CPNE8: variants seen among roughly 807,000 people sequenced by gnomAD.
CPNE8 encodes the protein copine 8.
A neutral mutation model predicts 81.5 loss-of-function variants in CPNE8; 45 were observed. The observed-to-expected ratio is 0.55, with a 90% confidence interval of 0.44 to 0.71. CPNE8 has a LOEUF of 0.71. CPNE8 is among the 30% of genes least tolerant of loss of function. The pLI, the probability that CPNE8 is intolerant of heterozygous loss-of-function variation, is 0.00. For synonymous variants in CPNE8, 252 were observed against 226.3 expected (o/e 1.11, Z -1.02); for missense variants, 594 against 672.1 (o/e 0.88, Z 1.28).
At chr12:38,779,566 C>T (rs942276334) in intron 6 of CPNE8, among the ~76,000 whole-genome samples, 3 of 152,116 alleles carry the variant, frequency 2.0e-5, no homozygotes, top group Non-Finnish European at 4.4e-5. Context: ...TCTTAATTGA[C>T]ATCACTTGAG....
chr12:38,676,084 C>T (rs1352733938), intron 17 of CPNE8: 2 of 236,180 alleles, frequency 8.5e-6, no homozygotes, highest in Admixed American at 1.4e-4. Context: ...CCACTGCACT[C>T]CAGCCTGGGC....
chr12:38,655,100 A>C (rs899347474), intron 19 of CPNE8, among the ~76,000 whole-genome samples: 1 of 152,168 alleles, frequency 6.6e-6, no homozygotes, highest in African/African-American at 2.4e-5. Context: ...CATTCTAACA[A>C]CATATATTAG....
Position 38,794,017 on chromosome 12 carries a change from A to G in CPNE8, c.408-17716T>C, listed in dbSNP as rs148122234. On this transcript the variant is annotated intron_variant, in intron 6 of 19. Transcript: ENST00000331366. ...GTGGTGGGAAAACTATCCACATGCA[A>G]ATGAATGTTTTGGATGCTTATCTTA... 5.3e-4 allele frequency among the ~76,000 whole-genome samples: 80 copies of G among 152,252 alleles called. 1 individual carries two copies. The East Asian group carries it at 0.014, about 27-fold the overall frequency.
intron 10 of CPNE8, among the ~76,000 whole-genome samples, chr12:38,739,190 GT>G (rs1159114688): frequency 6.6e-6 from 1 of 152,064 alleles, no homozygotes; most frequent in Non-Finnish European, 1.5e-5. Flanking sequence ...GTCTTATATG[GT>G]TTTTGAAGAG....
intron 6 of CPNE8, among the ~76,000 whole-genome samples, chr12:38,808,138 C>G (rs1018597135): frequency 6.6e-6 from 1 of 152,032 alleles, no homozygotes; most frequent in African/African-American, 2.4e-5. Context: ...AATAGGAACA[C>G]TTTTACACTG....
At chr12:38,754,406 G>A (rs1216003357) in intron 10 of CPNE8, among the ~76,000 whole-genome samples, 1 of 151,644 alleles carries the variant, frequency 6.6e-6, no homozygotes, top group Non-Finnish European at 1.5e-5. Context: ...AACCATTCAA[G>A]GTAGGCAGGT....
chr12:38,729,749 C>G (rs1168018921), intron 11 of CPNE8, among the ~76,000 whole-genome samples: 2 of 152,046 alleles, frequency 1.3e-5, no homozygotes, highest in East Asian at 3.9e-4. Context: ...ACTATATGCT[C>G]AATACATATT....
chr12:38,731,921 C>A (rs1208649188), intron 10 of CPNE8, among the ~76,000 whole-genome samples: 1 of 151,124 alleles, frequency 6.6e-6, no homozygotes, highest in Non-Finnish European at 1.5e-5. Context: ...TTAAAATTTT[C>A]TGAATTATGA....
At chr12:38,719,912 A>T (rs1161687743) in intron 13 of CPNE8, among the ~76,000 whole-genome samples, 1 of 152,226 alleles carries the variant, frequency 6.6e-6, no homozygotes, top group Non-Finnish European at 1.5e-5. Flanking sequence ...TTTTATAGAA[A>T]TTATCTTAGG....
Position 38,760,858 on chromosome 12 carries a change from G to T in CPNE8, c.711C>A (p.Asp237Glu). 6.3e-7 allele frequency: 1 copy of T among 1,589,054 alleles called. No homozygotes were observed. Among genetic ancestry groups the T allele is most frequent in the South Asian group, 1.2e-5 (1 of 86,784 alleles). ...AAGAACTGTCTTACCTTCCATCTCGGTCCCAGTCATACACCTCTACTTTGA... is the reference window on the plus strand; with the variant it reads ...AAGAACTGTCTTACCTTCCATCTCGTTCCCAGTCATACACCTCTACTTTGA... Reference protein sequence around the residue: ...RTIKVEVYDWDRDGSHDFIGE... With the variant: ...RTIKVEVYDWERDGSHDFIGE... The change falls in exon 10 of 20, where the codon GAC becomes GAA. Residue 237 changes from aspartate to glutamate, a missense_variant. Coordinates refer to ENST00000331366, the MANE Select transcript of CPNE8 (RefSeq NM_153634.3).
chr12:38,809,263 G>C (rs972526974), intron 6 of CPNE8, among the ~76,000 whole-genome samples: 2 of 152,162 alleles, frequency 1.3e-5, no homozygotes, highest in Non-Finnish European at 2.9e-5. Context: ...TTATCTGGAG[G>C]CTCAGGTTGA....
At chr12:38,796,988 TG>T (rs558920982) in intron 6 of CPNE8, among the ~76,000 whole-genome samples, 2 of 152,222 alleles carry the variant, frequency 1.3e-5, no homozygotes, top group Non-Finnish European at 2.9e-5. Context: ...GCAGCAAGGC[TG>T]GGGGACGGGT....
intron 4 of CPNE8, among the ~76,000 whole-genome samples, chr12:38,845,407 G>A (rs1943540491): frequency 6.6e-6 from 1 of 152,056 alleles, no homozygotes; most frequent in African/African-American, 2.4e-5. Flanking sequence ...ATCTCTGTAT[G>A]TATTTACTTA....
intron 3 of CPNE8, among the ~76,000 whole-genome samples, chr12:38,851,146 A>C (rs1386485921): frequency 1.3e-5 from 2 of 152,128 alleles, no homozygotes; most frequent in Non-Finnish European, 2.9e-5. Context: ...CTTCTTTTTA[A>C]ATTACGTGGT....
chr12:38,666,057 T>G (rs1176909755), intron 19 of CPNE8, among the ~76,000 whole-genome samples: 1 of 152,136 alleles, frequency 6.6e-6, no homozygotes, highest in Non-Finnish European at 1.5e-5. Context: ...AATATGTCAT[T>G]TAATATTCAC....
At chr12:38,802,743 A>T (rs1942706424) in intron 6 of CPNE8, among the ~76,000 whole-genome samples, 1 of 150,724 alleles carries the variant, frequency 6.6e-6, no homozygotes, top group South Asian at 2.1e-4. Context: ...GGATCAACAA[A>T]ATTGATAGAC....
intron 13 of CPNE8, among the ~76,000 whole-genome samples, chr12:38,704,826 G>GTATATATATATATATATA (rs573232937): frequency 1.4e-4 from 7 of 50,198 alleles, no homozygotes; most frequent in Admixed American, 2.9e-4. Flanking sequence ...GTATGTATGT[G>GTATATATATATATATATA]TATATATATA....
intron 17 of CPNE8, 46 bp downstream of exon 17, chr12:38,677,406 C>G (rs772160003): frequency 1.0e-6 from 1 of 991,966 alleles, no homozygotes; most frequent in Middle Eastern, 2.1e-4. Flanking sequence ...CTAAGTAGCA[C>G]CATGTTGTCA....
chr12:38,884,456 G>A (rs962537197), intron 1 of CPNE8, among the ~76,000 whole-genome samples: 1 of 152,168 alleles, frequency 6.6e-6, no homozygotes, highest in Non-Finnish European at 1.5e-5. Flanking sequence ...TATTTGGGTT[G>A]TTTCTATTTT....
Sources: gnomAD v4.1 joint callset for allele counts (sites outside exome capture counted in the v4.1 genomes callset) on GRCh38, gnomAD v4.1.1 for gene constraint, MANE v1.5 for transcripts, NCBI Gene and HGNC (gene_info 2026-07-23, HGNC 2026-07-21) for gene names.